The following EXOC4 variants were observed in gnomAD, a reference collection of about 807,000 sequenced individuals.
The protein encoded by EXOC4 is SEC8-like 1.
EXOC4 carries 71 observed loss-of-function variants against 107.2 expected under a neutral mutation model. The observed-to-expected ratio is 0.66, with a 90% CI of 0.55 to 0.81. The LOEUF is 0.81. Ranked by LOEUF, EXOC4 falls within the 30% of genes least tolerant of loss-of-function variation. The pLI is 0.00. For missense variants in EXOC4, 1,108 were observed against 1,189.6 expected (o/e 0.93, Z 1.01); for synonymous variants, 456 against 441.2 (o/e 1.03, Z -0.42).
intron 9 of EXOC4, among the ~76,000 whole-genome samples, chr7:133,566,117 G>C (rs779126454): frequency 1.3e-5 from 2 of 152,158 alleles, no homozygotes; most frequent in Admixed American, 1.3e-4. Context: ...TGAAAATATA[G>C]ATTCTGTCTT....
the EXOC4 span, among the ~76,000 whole-genome samples, chr7:134,088,597 T>C: frequency 1.3e-3 from 198 of 152,332 alleles, 3 homozygotes; most frequent in South Asian, 0.039. Context: ...CAGTTCTCCA[T>C]GAGAGTTCTG....
chr7:133,798,122 G>T (rs1022097584), intron 10 of EXOC4, among the ~76,000 whole-genome samples: 1 of 152,000 alleles, frequency 6.6e-6, no homozygotes, highest in African/African-American at 2.4e-5. Context: ...GAGTATTTTT[G>T]CCAGTCCTAC....
At chr7:133,832,628 G>A (rs75803124) in intron 11 of EXOC4, among the ~76,000 whole-genome samples, 1 of 152,250 alleles carries the variant, frequency 6.6e-6, no homozygotes, top group African/African-American at 2.4e-5. Context: ...TTCACGACTT[G>A]ATAACTCATT....
intron 9 of EXOC4, among the ~76,000 whole-genome samples, chr7:133,525,331 C>T (rs572112161): frequency 6.6e-6 from 1 of 152,266 alleles, no homozygotes; most frequent in Non-Finnish European, 1.5e-5. Flanking sequence ...GCCATTTCAA[C>T]CTTTACTTAG....
At chr7:133,638,084 A>G (rs147222754) in intron 10 of EXOC4, among the ~76,000 whole-genome samples, 229 of 152,266 alleles carry the variant, frequency 1.5e-3, no homozygotes, top group African/African-American at 5.2e-3. Context: ...TTTTTTATCT[A>G]TTTACATATA....
chr7:133,578,523 C>T (rs751766731), intron 9 of EXOC4, among the ~76,000 whole-genome samples: 2 of 151,934 alleles, frequency 1.3e-5, no homozygotes, highest in African/African-American at 4.8e-5. Flanking sequence ...TATATATAAC[C>T]CTGACATGGT....
At position 133,923,888 on chromosome 7, in the gene EXOC4, G is replaced by A. The variant is rs137877954; in HGVS notation, c.2027+6150G>A. On this transcript the variant is annotated intron_variant, in intron 13 of 17. Transcript: ENST00000253861. Reference sequence around the variant, plus strand: ...ATTGTGCTGAATATATTTTCCCCCTGCATCTGATATAAATGATAAGCTTTT... The same window carrying A: ...ATTGTGCTGAATATATTTTCCCCCTACATCTGATATAAATGATAAGCTTTT... Among the ~76,000 whole-genome samples, 583 of 152,132 alleles carry A rather than the reference G, an allele frequency of 3.8e-3. 3 individuals carry two copies. The highest frequency in any genetic ancestry group is 5.0e-3 in the Admixed American group (77 of 15,292).
the EXOC4 span, among the ~76,000 whole-genome samples, chr7:134,073,965 A>G: frequency 6.6e-6 from 1 of 152,188 alleles, no homozygotes; most frequent in Non-Finnish European, 1.5e-5. Context: ...CCACAGGCAG[A>G]GTCTTTTCTA....
At chr7:133,672,687 A>G (rs1337243185) in intron 10 of EXOC4, among the ~76,000 whole-genome samples, 1 of 152,164 alleles carries the variant, frequency 6.6e-6, no homozygotes, top group Non-Finnish European at 1.5e-5. Context: ...TCCAAAAGCA[A>G]CAGATGGTGA....
chr7:133,373,435 C>G (rs534804559), intron 6 of EXOC4, among the ~76,000 whole-genome samples: 19 of 152,150 alleles, frequency 1.2e-4, no homozygotes, highest in Admixed American at 1.2e-3. Context: ...TACATAAATT[C>G]TATTGATTTT....
At chr7:133,738,799 C>G (rs1368022808) in intron 10 of EXOC4, among the ~76,000 whole-genome samples, 3 of 152,172 alleles carry the variant, frequency 2.0e-5, no homozygotes, top group Non-Finnish European at 2.9e-5. Flanking sequence ...ACCAGCATGC[C>G]TGTAAGTTTC....
chr7:133,383,643 T>C (rs766836743), intron 7 of EXOC4, among the ~76,000 whole-genome samples: 5 of 152,186 alleles, frequency 3.3e-5, no homozygotes, highest in Non-Finnish European at 5.9e-5. Flanking sequence ...ACAGATGTAA[T>C]TTCTATTTTG....
chr7:133,347,307 G>A (rs936174251), intron 5 of EXOC4, among the ~76,000 whole-genome samples: 3 of 150,730 alleles, frequency 2.0e-5, no homozygotes, highest in South Asian at 2.1e-4. Flanking sequence ...GCAGTGGTGC[G>A]ATCTTGGCTC....
chr7:133,788,026 G>A (rs1057413767), intron 10 of EXOC4, among the ~76,000 whole-genome samples: 8 of 107,476 alleles, frequency 7.4e-5, no homozygotes, highest in Admixed American at 3.6e-4. Context: ...ATTTTCTAGA[G>A]GAAAGGGAGC....
intron 10 of EXOC4, among the ~76,000 whole-genome samples, chr7:133,772,331 T>G (rs972072461): frequency 6.6e-6 from 1 of 152,048 alleles, no homozygotes; most frequent in Admixed American, 6.6e-5. Context: ...CCACTTGTCA[T>G]TGCAACTTAT....
intron 9 of EXOC4, among the ~76,000 whole-genome samples, chr7:133,590,202 C>T (rs1801508204): frequency 6.6e-6 from 1 of 152,162 alleles, no homozygotes; most frequent in African/African-American, 2.4e-5. Context: ...AGACCTTGTG[C>T]AGGTTCCTTT....
chr7:133,454,233 A>G (rs960206888), intron 7 of EXOC4, among the ~76,000 whole-genome samples: 3 of 152,206 alleles, frequency 2.0e-5, no homozygotes, highest in Admixed American at 1.3e-4. Context: ...TCTTTTTCAT[A>G]CTAAAAGAAC....
chr7:133,367,114 C>T (rs1046189632), intron 6 of EXOC4, among the ~76,000 whole-genome samples: 2 of 152,018 alleles, frequency 1.3e-5, no homozygotes, highest in Non-Finnish European at 2.9e-5. Context: ...ATGATGAGTT[C>T]CATTTAAGTC....
At chr7:133,848,131 G>A (rs1223862696) in intron 11 of EXOC4, among the ~76,000 whole-genome samples, 1 of 151,910 alleles carries the variant, frequency 6.6e-6, no homozygotes, top group Non-Finnish European at 1.5e-5. Context: ...CACACTGGGC[G>A]GTACACTGCA....
Sources: allele counts gnomAD v4.1 joint callset (sites outside exome capture counted in the v4.1 genomes callset), GRCh38; gene constraint gnomAD v4.1.1; transcripts MANE v1.5; gene names NCBI Gene and HGNC (gene_info 2026-07-23, HGNC 2026-07-21).